Variants in SGCZ observed in about 807,000 individuals in gnomAD.
The protein encoded by SGCZ is zeta-sarcoglycan.
In SGCZ, 40 loss-of-function variants were observed where a neutral mutation model predicts 41.3. The ratio of observed to expected loss-of-function variants is 0.97; its 90% CI spans 0.75 to 1.26. SGCZ has a LOEUF of 1.26. SGCZ is among the 50% of genes most tolerant of loss of function. The pLI, the probability that SGCZ is intolerant of heterozygous loss-of-function variation, is 0.00. For missense variants in SGCZ, 552 were observed against 369.8 expected (o/e 1.49, Z -4.04); for synonymous variants, 206 against 137.5 (o/e 1.50, Z -3.49).
intron 2 of SGCZ, among the ~76,000 whole-genome samples, chr8:14,381,431 T>C (rs570543008): frequency 6.6e-6 from 1 of 152,124 alleles, no homozygotes; most frequent in Admixed American, 6.6e-5. Context: ...TCCTGCCCCC[T>C]CATTCCCATA....
At chr8:14,231,780 G>A (rs76913272) in intron 4 of SGCZ, among the ~76,000 whole-genome samples, 1 of 152,042 alleles carries the variant, frequency 6.6e-6, no homozygotes. Context: ...ATTTTATTCA[G>A]CACATGTGAG....
chr8:15,025,363 A>G (rs1803416915), intron 1 of SGCZ, among the ~76,000 whole-genome samples: 1 of 152,060 alleles, frequency 6.6e-6, no homozygotes, highest in South Asian at 2.1e-4. Flanking sequence ...ACATAATTTG[A>G]TTTTTTCCTC....
intron 1 of SGCZ, among the ~76,000 whole-genome samples, chr8:14,729,460 G>A (rs1253069947): frequency 6.6e-6 from 1 of 152,128 alleles, no homozygotes; most frequent in African/African-American, 2.4e-5. Context: ...AATTTGTAAA[G>A]GTGAGGACTT....
intron 4 of SGCZ, among the ~76,000 whole-genome samples, chr8:14,216,724 G>A (rs1235062860): frequency 1.4e-5 from 2 of 142,674 alleles, no homozygotes; most frequent in Non-Finnish European, 3.2e-5. Flanking sequence ...ACTAGAAATA[G>A]AAGAAATCTT....
intron 1 of SGCZ, among the ~76,000 whole-genome samples, chr8:15,107,894 G>A (rs2168123): frequency 0.15 from 22,254 of 152,000 alleles, 1,976 homozygotes; most frequent in Non-Finnish European, 0.21. Context: ...CACCCATTTC[G>A]TTCAGGTTTC....
chr8:14,918,872 A>G (rs914632777), intron 1 of SGCZ, among the ~76,000 whole-genome samples: 2 of 152,204 alleles, frequency 1.3e-5, no homozygotes, highest in African/African-American at 4.8e-5. Context: ...TTTTGAAAAT[A>G]TGTTGAAAAC....
At chr8:14,401,754 G>A (rs914282402) in intron 2 of SGCZ, among the ~76,000 whole-genome samples, 36 of 151,426 alleles carry the variant, frequency 2.4e-4, no homozygotes, top group Admixed American at 9.2e-4. Flanking sequence ...ACATACGTGT[G>A]CATGTATCTT....
At chr8:15,205,195 G>A (rs953838444) in intron 1 of SGCZ, among the ~76,000 whole-genome samples, 6 of 152,014 alleles carry the variant, frequency 3.9e-5, no homozygotes, top group African/African-American at 1.4e-4. Context: ...ACATAGGAAG[G>A]GGCAAAGATT....
chr8:15,155,834 G>C (rs1413945176), intron 1 of SGCZ, among the ~76,000 whole-genome samples: 1 of 152,088 alleles, frequency 6.6e-6, no homozygotes, highest in Non-Finnish European at 1.5e-5. Flanking sequence ...GAGGCAGGTG[G>C]ACTGCCTGAG....
chr8:14,541,365 T>G lies in SGCZ; in HGVS notation c.234+13367A>C, dbSNP rs187597189. The stretch of plus-strand genomic sequence containing the variant: ...CCTCCCTGTGTCCATGTGTTCTCAT[T>G]GTTCAGCTCCGAGTGAGAACATGAG... On this transcript the variant is annotated intron_variant, in intron 2 of 7. Coordinates refer to ENST00000382080, the MANE Select transcript of SGCZ (RefSeq NM_139167.4). Among the ~76,000 whole-genome samples, 41 of 152,150 alleles carry G rather than the reference T, an allele frequency of 2.7e-4. No homozygotes were observed. In the East Asian group the frequency reaches 7.6e-3, roughly 28 times the overall value.
chr8:14,218,356 G>A (rs142083989), intron 4 of SGCZ, among the ~76,000 whole-genome samples: 300 of 152,202 alleles, frequency 2.0e-3, no homozygotes, highest in Middle Eastern at 6.8e-3. Context: ...AAAACTCTAG[G>A]AAGAAAATTA....
chr8:15,132,880 C>T (rs948500961), intron 1 of SGCZ, among the ~76,000 whole-genome samples: 1 of 152,144 alleles, frequency 6.6e-6, no homozygotes, highest in Non-Finnish European at 1.5e-5. Context: ...GGAACCCATG[C>T]CTGTAATCTC....
chr8:14,482,676 G>A (rs1801566933), intron 2 of SGCZ, among the ~76,000 whole-genome samples: 1 of 152,044 alleles, frequency 6.6e-6, no homozygotes, highest in African/African-American at 2.4e-5. Flanking sequence ...TGCGAAATAA[G>A]TAAAGCAGAT....
At chr8:14,464,165 A>G (rs1053461876) in intron 2 of SGCZ, among the ~76,000 whole-genome samples, 2 of 151,598 alleles carry the variant, frequency 1.3e-5, no homozygotes, top group Non-Finnish European at 3.0e-5. Context: ...CCTCTTCGAC[A>G]TTTGTTAAAG....
At chr8:14,193,778 A>G (rs7819489) in intron 4 of SGCZ, among the ~76,000 whole-genome samples, 151,180 of 152,048 alleles carry the variant, frequency 0.99, 75,164 homozygotes, top group East Asian at 1. Flanking sequence ...ACCCTTGTCC[A>G]GTCCAACATG....
chr8:14,592,214 A>G (rs1424564469), intron 1 of SGCZ, among the ~76,000 whole-genome samples: 1 of 152,122 alleles, frequency 6.6e-6, no homozygotes, highest in Non-Finnish European at 1.5e-5. Flanking sequence ...TTAGATTCCT[A>G]GTTTTAAAAT....
chr8:14,123,565 C>T (rs1056927196), intron 5 of SGCZ, among the ~76,000 whole-genome samples: 2 of 152,116 alleles, frequency 1.3e-5, no homozygotes, highest in Non-Finnish European at 2.9e-5. Context: ...ATGACCAAGA[C>T]CTATATACTC....
At chr8:14,459,861 A>G (rs1182703783) in intron 2 of SGCZ, among the ~76,000 whole-genome samples, 1 of 152,202 alleles carries the variant, frequency 6.6e-6, no homozygotes, top group Non-Finnish European at 1.5e-5. Flanking sequence ...CCAAATTGAG[A>G]GACATATTTT....
intron 2 of SGCZ, among the ~76,000 whole-genome samples, chr8:14,338,278 T>C (rs774297734): frequency 6.6e-6 from 1 of 152,326 alleles, no homozygotes; most frequent in Middle Eastern, 3.4e-3. Context: ...CTCATTTCAA[T>C]GAAGGATTTG....
Sources: allele counts gnomAD v4.1 joint callset (sites outside exome capture counted in the v4.1 genomes callset), GRCh38; gene constraint gnomAD v4.1.1; transcripts MANE v1.5; gene names NCBI Gene and HGNC (gene_info 2026-07-23, HGNC 2026-07-21).